The following MCUR1 variants were observed in gnomAD, a reference collection of about 807,000 sequenced individuals.
MCUR1 encodes MCU regulator 1.
MCUR1 carries 37 observed loss-of-function variants against 42.0 expected under a neutral mutation model. That is an observed-to-expected ratio of 0.88 (90% CI 0.68 to 1.16). The LOEUF is 1.16. MCUR1 is among the 50% of genes most tolerant of loss of function. The probability of loss-of-function intolerance (pLI) is 0.00; values close to 1 mark genes in which losing one functional copy is unlikely to be tolerated. For synonymous variants in MCUR1, 229 were observed against 196.2 expected (o/e 1.17, Z -1.40); for missense variants, 469 against 468.4 (o/e 1.00, Z -0.01).
Position 13,814,216 on chromosome 6 carries a change from G to A in MCUR1, c.214C>T (p.Leu72Phe), listed in dbSNP as rs1025236973. Residue 72 changes from leucine (L) to phenylalanine (F), a missense_variant, in exon 1 of 9, where the codon CTC becomes TTC. By Grantham distance (22) the Leu-to-Phe change is conservative. Coordinates refer to ENST00000379170, the MANE Select transcript of MCUR1 (RefSeq NM_001031713.4). ...GVSRASPLLL[L>F]LLVPSPRLAA... ...AAGCGCGGGGAGGGCACTAGCAGGA[G>A]GAGGAGCAGCGGTGAGGCACGTGAC... The A allele has an allele frequency of 2.1e-6, 3 of 1,455,320 alleles. No homozygotes were observed. The highest frequency in any genetic ancestry group is 2.7e-6 in the Non-Finnish European group (3 of 1,111,678). 90.2% of individuals were successfully genotyped at this position (1,455,320 alleles called of 1,614,324 possible).
Position 13,802,341 on chromosome 6 carries a change from C to T in MCUR1, c.541G>A (p.Ala181Thr). ...ACAATGATTTCTGCTTGTTGAGTAG[C>T]AAACCCTAAGCAAGCACACAAGCAA... ...LVCLLEDNGF[A>T]TQQAEIIVSA... Residue 181 changes from alanine to threonine, a missense_variant, in exon 3 of 9, where the codon GCT becomes ACT. Physicochemically the swap from Ala to Thr is moderately conservative, Grantham distance 58. Coordinates refer to ENST00000379170, the MANE Select transcript of MCUR1 (RefSeq NM_001031713.4). 1 of 1,612,874 alleles carries T rather than the reference C, an allele frequency of 6.2e-7. No homozygotes were observed. Among genetic ancestry groups the T allele is most frequent in the South Asian group, 1.1e-5 (1 of 91,042 alleles).
chr6:13,814,108 T>C lies in MCUR1; in HGVS notation c.322A>G (p.Ser108Gly), dbSNP rs1204145. Residue 108 changes from serine (S) to glycine (G), a missense_variant, in exon 1 of 9, where the codon AGC becomes GGC. Transcript: ENST00000379170. ...ACGCCCGGTGAGCACCTCCACGCGC[T>C]GCTGCGCCCGGCCGGGGGTGCGGCA... is the stretch of plus-strand genomic sequence containing the variant. ...GYAAPPAGRSSAWRCSPGVAA... is the reference protein window; with the variant it reads ...GYAAPPAGRSGAWRCSPGVAA... 742,637 of 1,253,262 alleles carry C rather than the reference T, an allele frequency of 0.59. 221,303 individuals carry two copies. Among genetic ancestry groups the C allele is most frequent in the African/African-American group, 0.7 (44,768 of 64,334 alleles). 77.6% of individuals were successfully genotyped at this position (1,253,262 alleles called of 1,614,324 possible). A position where few individuals can be genotyped will look rare whatever the true frequency, so the allele number is the denominator to read the frequency against.
At position 13,791,978 on chromosome 6, in the gene MCUR1, A is replaced by G; in HGVS notation, c.924T>C (p.Asp308=). The change falls in exon 8 of 9, where the codon GAT becomes GAC. Residue 308 remains aspartate, a synonymous_variant. Transcript: ENST00000379170. The part of the protein sequence containing the change: ...TEIVALHAQQ[D]RALTQTDRKI... ...TCCTGTCTGTCTGGGTAAGGGCCCG[A>G]TCTTGCTGGGCATGCTTTTAAAATG... 6.2e-7 allele frequency: 1 copy of G among 1,613,904 alleles called. No individual in the cohort carries two copies. The highest frequency in any genetic ancestry group is 8.5e-7 in the Non-Finnish European group (1 of 1,179,872).
rs1207104981 is a variant in MCUR1 at position 13,789,521 on chromosome 6, T to G, written c.*1288A>C. 4 of 152,238 alleles carry G rather than the reference T, an allele frequency of 2.6e-5. No homozygotes were observed. In the East Asian group the frequency reaches 7.7e-4, roughly 29 times the overall value. The allele number at this position is 152,238 out of a possible 1,614,324, so 9.4% of individuals were successfully genotyped here. ...AACAACAGAATTAATCCATCTAGATTAGAATGCTGTGTGGCATGACCATTC... is the reference window on the plus strand; with the variant it reads ...AACAACAGAATTAATCCATCTAGATGAGAATGCTGTGTGGCATGACCATTC... On this transcript the variant is annotated 3_prime_UTR_variant, in exon 9 of 9. Transcript: ENST00000379170.
At position 13,791,829 on chromosome 6, in the gene MCUR1, A is replaced by G. The variant is rs761999896; in HGVS notation, c.1024+49T>C. 46 of 1,298,690 alleles carry G rather than the reference A, an allele frequency of 3.5e-5. No homozygotes were observed. The South Asian group carries it at 5.3e-4, about 15-fold the overall frequency. 80.4% of individuals were successfully genotyped at this position (1,298,690 alleles called of 1,614,324 possible). ...AGTATCTGTCAACGACTTATTTTAT[A>G]AATTTATTTTCTTTTCAGGTTGATT... On this transcript the variant is annotated intron_variant, in intron 8 of 8. Transcript: ENST00000379170.
In MCUR1 at chr6:13,806,908, G is replaced by A. The variant is rs377481953; in HGVS notation, c.535+17C>T. 43 of 1,571,164 alleles carry A rather than the reference G, an allele frequency of 2.7e-5. No individual in the cohort carries two copies. Among genetic ancestry groups the A allele is most frequent in the Admixed American group, 5.5e-5 (3 of 54,402 alleles). On this transcript the variant is annotated intron_variant, in intron 2 of 8. Coordinates refer to ENST00000379170, the MANE Select transcript of MCUR1 (RefSeq NM_001031713.4). ...GTGTTTTTCTAAGGCACTAAATGAC[G>A]AATGACAGAGGATTACCATTGTCTT...
rs1391826594 is a variant in MCUR1, at chr6:13,787,135, T to A, written c.*3674A>T. 7 of 152,172 alleles carry A rather than the reference T, an allele frequency of 4.6e-5. No individual in the cohort carries two copies. Among genetic ancestry groups the A allele is most frequent in the African/African-American group, 1.7e-4 (7 of 41,444 alleles). The allele number at this position is 152,172 out of a possible 1,614,324, so 9.4% of individuals were successfully genotyped here. On this transcript the variant is annotated 3_prime_UTR_variant, in exon 9 of 9. Coordinates refer to ENST00000379170, the MANE Select transcript of MCUR1 (RefSeq NM_001031713.4). Reference sequence around the variant, plus strand: ...TGCTTGCCAATACTGACATGGTTAATTAACAGACAGGCTTGAAAGGAGAAG... The same window carrying A: ...TGCTTGCCAATACTGACATGGTTAAATAACAGACAGGCTTGAAAGGAGAAG...
rs554330207 is a variant in MCUR1 at position 13,787,120 on chromosome 6, T to A, written c.*3689A>T. The stretch of plus-strand genomic sequence containing the variant: ...GTGGGGGAAGATAAATGCTTGCCAA[T>A]ACTGACATGGTTAATTAACAGACAG... On this transcript the variant is annotated 3_prime_UTR_variant, in exon 9 of 9. Coordinates refer to ENST00000379170, the MANE Select transcript of MCUR1 (RefSeq NM_001031713.4). The A allele has an allele frequency of 5.3e-5, 8 of 152,320 alleles. No individual in the cohort carries two copies. The South Asian group carries it at 1.4e-3, about 28-fold the overall frequency. 9.4% of individuals were successfully genotyped at this position (152,320 alleles called of 1,614,324 possible).
intron 7 of MCUR1, among the ~76,000 whole-genome samples, chr6:13,792,980 C>T (rs897629356): frequency 6.6e-6 from 1 of 151,720 alleles, no homozygotes. Flanking sequence ...ATAAAACTTC[C>T]GTTAAGAAAA....
At chr6:13,799,472 C>A (rs555102271) in intron 5 of MCUR1, among the ~76,000 whole-genome samples, 2 of 152,252 alleles carry the variant, frequency 1.3e-5, no homozygotes, top group African/African-American at 4.8e-5. Context: ...CGTGAGCCAT[C>A]GCGCCCGGCC....
intron 2 of MCUR1, chr6:13,804,209 G>A: frequency 4.9e-6 from 1 of 202,062 alleles, no homozygotes; most frequent in Non-Finnish European, 1.1e-5. Context: ...TGTAATCCCA[G>A]CTACTCAGGA....
intron 2 of MCUR1, chr6:13,803,687 T>C: frequency 1.1e-6 from 1 of 923,954 alleles, no homozygotes; most frequent in Non-Finnish European, 1.3e-6. Context: ...TTTTTCAACA[T>C]GTTATACACA....
chr6:13,800,397 A>T lies in MCUR1; in HGVS notation c.742-15T>A. 1.5e-6 allele frequency: 2 copies of T among 1,295,200 alleles called. No homozygotes were observed. Among genetic ancestry groups the T allele is most frequent in the East Asian group, 2.5e-5 (1 of 39,324 alleles). 80.2% of individuals were successfully genotyped at this position (1,295,200 alleles called of 1,614,324 possible). A position where few individuals can be genotyped will look rare whatever the true frequency, so the allele number is the denominator to read the frequency against. On this transcript the variant is annotated splice_polypyrimidine_tract_variant and intron_variant, in intron 4 of 8. Coordinates refer to ENST00000379170, the MANE Select transcript of MCUR1 (RefSeq NM_001031713.4). ...AGTTTTATTTTCTAAAAACACATAA[A>T]AAAAAAGTCATTAGAAAGAACAACA... is the stretch of plus-strand genomic sequence containing the variant.
At chr6:13,793,392 G>C (rs532086208) in intron 7 of MCUR1, among the ~76,000 whole-genome samples, 1 of 152,240 alleles carries the variant, frequency 6.6e-6, no homozygotes, top group African/African-American at 2.4e-5. Context: ...GACGAATAAA[G>C]AAAATGTGGC....
chr6:13,813,949 G>A, intron 1 of MCUR1, 66 bp downstream of exon 1: 1 of 1,219,642 alleles, frequency 8.2e-7, no homozygotes. Context: ...GGCTGTAGCT[G>A]AGATCCCCGC....
chr6:13,801,063 G>C (rs960945226), intron 4 of MCUR1, among the ~76,000 whole-genome samples: 2 of 152,182 alleles, frequency 1.3e-5, no homozygotes, highest in African/African-American at 4.8e-5. Context: ...CTAGTTAATG[G>C]TGTTATCAGC....
chr6:13,812,104 G>A (rs936045600), intron 1 of MCUR1, among the ~76,000 whole-genome samples: 3 of 152,096 alleles, frequency 2.0e-5, no homozygotes, highest in African/African-American at 7.2e-5. Flanking sequence ...CTGTGTCAAC[G>A]TGTAACATGC....
chr6:13,804,008 G>C, intron 2 of MCUR1: 1 of 973,354 alleles, frequency 1.0e-6, no homozygotes, highest in Non-Finnish European at 1.2e-6. Context: ...ATTAAAAAAA[G>C]AGTTCATGTT....
chr6:13,786,881 TA>T lies in MCUR1; in HGVS notation c.*3927del, dbSNP rs775307577. Reference sequence around the variant, plus strand: ...TGTAGAAAGATAAATATTTTCCAAATAAAATTCTAATAAAAGGCTAAACATT... The same window carrying T: ...TGTAGAAAGATAAATATTTTCCAAATAAATTCTAATAAAAGGCTAAACATT... On this transcript the variant is annotated 3_prime_UTR_variant, in exon 9 of 9. Transcript: ENST00000379170. The T allele has an allele frequency of 3.0e-4, 46 of 152,140 alleles. No individual in the cohort carries two copies. The highest frequency in any genetic ancestry group is 6.0e-4 in the Non-Finnish European group (41 of 68,008). The allele number at this position is 152,140 out of a possible 1,614,324, so 9.4% of individuals were successfully genotyped here.
Sources: allele counts gnomAD v4.1 joint callset (sites outside exome capture counted in the v4.1 genomes callset), GRCh38; gene constraint gnomAD v4.1.1; transcripts MANE v1.5; gene names NCBI Gene and HGNC (gene_info 2026-07-23, HGNC 2026-07-21).